The following CAPS2 variants were observed in gnomAD, a reference collection of about 807,000 sequenced individuals.
CAPS2 encodes calcyphosine 2.
Under a neutral mutation model 86.5 loss-of-function variants are expected in CAPS2, and 98 were observed. The observed-to-expected ratio is 1.13, with a 90% CI of 0.96 to 1.34. CAPS2 has a LOEUF of 1.34. CAPS2 is among the 40% of genes most tolerant of loss of function. The pLI is 0.00. For missense variants in CAPS2, 729 were observed against 686.8 expected, an observed-to-expected ratio of 1.06 and a Z score of -0.69; for synonymous variants, 210 against 225.1, an observed-to-expected ratio of 0.93 and a Z score of 0.60.
intron 2 of CAPS2, among the ~76,000 whole-genome samples, chr12:75,324,887 T>C (rs1023527079): frequency 6.6e-6 from 1 of 152,104 alleles, no homozygotes; most frequent in Non-Finnish European, 1.5e-5. Context: ...TAATTATCCT[T>C]AAATTGATGC....
upstream of CAPS2, chr12:75,329,770 G>T: frequency 1.4e-6 from 2 of 1,396,828 alleles, no homozygotes; most frequent in Non-Finnish European, 9.7e-7. Flanking sequence ...GCAAAACAGG[G>T]TAATATCTCC....
chr12:75,301,803 G>A (rs1263637857), intron 8 of CAPS2, among the ~76,000 whole-genome samples: 2 of 152,152 alleles, frequency 1.3e-5, no homozygotes, highest in Non-Finnish European at 2.9e-5. Context: ...AAAGATAAAA[G>A]TAAATATGTA....
intron 8 of CAPS2, 60 bp from the exon 9 acceptor site, chr12:75,299,971 G>A (rs7301532): frequency 0.27 from 174,436 of 656,036 alleles, 24,700 homozygotes; most frequent in South Asian, 0.42. Context: ...GATGGAAATT[G>A]TAAATGTACA....
chr12:75,367,119 A>G (rs1326663361), intron 1 of CAPS2: 1 of 673,124 alleles, frequency 1.5e-6, no homozygotes. Context: ...TGGAGAAGAC[A>G]CTTTAGAATA....
At chr12:75,388,117 T>G (rs1230231881) in intron 1 of CAPS2, among the ~76,000 whole-genome samples, 1 of 152,120 alleles carries the variant, frequency 6.6e-6, no homozygotes, top group Non-Finnish European at 1.5e-5. Flanking sequence ...GGGGGCAGGT[T>G]TTTCCCGTGC....
At chr12:75,323,077 G>A in exon 4 of CAPS2, 1 of 1,546,096 alleles carries the variant, frequency 6.5e-7, no homozygotes, top group Middle Eastern at 1.7e-4. Context: ...TGGAATATAT[G>A]AAAAATTGTC....
intron 1 of CAPS2, chr12:75,344,002 T>C: frequency 7.4e-7 from 1 of 1,357,990 alleles, no homozygotes; most frequent in Non-Finnish European, 1.0e-6. Flanking sequence ...CCAGAATTTA[T>C]TTCTCTGTAT....
At chr12:75,321,937 A>T (rs573065931) in intron 4 of CAPS2, among the ~76,000 whole-genome samples, 2 of 152,252 alleles carry the variant, frequency 1.3e-5, no homozygotes, top group African/African-American at 2.4e-5. Flanking sequence ...CATTTTTTTC[A>T]TAATAGATAG....
intron 1 of CAPS2, among the ~76,000 whole-genome samples, chr12:75,341,335 T>C (rs1455288358): frequency 1.3e-5 from 2 of 152,178 alleles, no homozygotes; most frequent in Admixed American, 1.3e-4. Flanking sequence ...GAACAAACTA[T>C]CAACACATGT....
chr12:75,315,327 C>T (rs1002901518), intron 6 of CAPS2, among the ~76,000 whole-genome samples: 5 of 152,028 alleles, frequency 3.3e-5, no homozygotes, highest in African/African-American at 1.2e-4. Flanking sequence ...ACACTATTTT[C>T]CTTATAAAGT....
chr12:75,341,879 G>C (rs1361184876), intron 1 of CAPS2, among the ~76,000 whole-genome samples: 1 of 150,378 alleles, frequency 6.6e-6, no homozygotes, highest in African/African-American at 2.5e-5. Flanking sequence ...CTCCTGAGTA[G>C]TTGGGATTAC....
chr12:75,334,983 T>C, upstream of CAPS2: 1 of 1,348,270 alleles, frequency 7.4e-7, no homozygotes, highest in Non-Finnish European at 1.0e-6. Flanking sequence ...GGACTTAACT[T>C]GTACTAATTC....
At chr12:75,376,801 G>A (rs781521398) in intron 1 of CAPS2, among the ~76,000 whole-genome samples, 2 of 152,110 alleles carry the variant, frequency 1.3e-5, no homozygotes, top group Non-Finnish European at 2.9e-5. Context: ...TCAGCCACTC[G>A]CATGATAAGA....
chr12:75,295,577 A>G (rs1053344413), intron 11 of CAPS2, among the ~76,000 whole-genome samples: 1 of 152,252 alleles, frequency 6.6e-6, no homozygotes, highest in African/African-American at 2.4e-5. Flanking sequence ...AGCTTATCAC[A>G]TTTAAATCCA....
intron 1 of CAPS2, among the ~76,000 whole-genome samples, chr12:75,336,915 C>T (rs1256877755): frequency 6.6e-6 from 1 of 151,510 alleles, no homozygotes; most frequent in African/African-American, 2.4e-5. Context: ...GAAATTTTGT[C>T]CTATATCTTC....
intron 1 of CAPS2, among the ~76,000 whole-genome samples, chr12:75,367,268 G>GA (rs35250320): frequency 0.016 from 1,444 of 88,678 alleles, 17 homozygotes; most frequent in Middle Eastern, 0.03. Flanking sequence ...TTCCTAGGAG[G>GA]AAAAAAAAAA....
At chr12:75,319,986 G>T (rs1487615560) in intron 5 of CAPS2, among the ~76,000 whole-genome samples, 1 of 152,116 alleles carries the variant, frequency 6.6e-6, no homozygotes, top group East Asian at 1.9e-4. Context: ...TTATTATACA[G>T]AGAATCTACA....
exon 17 of CAPS2, chr12:75,277,567 G>A (rs1565739158): frequency 2.1e-6 from 2 of 955,622 alleles, no homozygotes; most frequent in Non-Finnish European, 2.5e-6. Context: ...AGCACTAGAG[G>A]TTTACACATA....
intron 7 of CAPS2, among the ~76,000 whole-genome samples, chr12:75,312,075 C>T (rs2039289913): frequency 6.6e-6 from 1 of 152,070 alleles, no homozygotes; most frequent in African/African-American, 2.4e-5. Flanking sequence ...TAGATTATTC[C>T]AACCTCTTCA....
Sources: allele counts gnomAD v4.1 joint callset (sites outside exome capture counted in the v4.1 genomes callset), GRCh38; gene constraint gnomAD v4.1.1; transcripts MANE v1.5; gene names NCBI Gene and HGNC (gene_info 2026-07-23, HGNC 2026-07-21).